Variants in KLHL17 observed in about 807,000 individuals in gnomAD.
KLHL17 encodes the protein kelch-like protein 17.
A neutral mutation model predicts 64.6 loss-of-function variants in KLHL17; 71 were observed. The ratio of observed to expected loss-of-function variants is 1.10; its 90% CI spans 0.91 to 1.34. The LOEUF is 1.34. Ranked by LOEUF, KLHL17 falls within the 40% of genes most tolerant of loss-of-function variation. The pLI is 0.00. For missense variants in KLHL17, 1,140 were observed against 935.0 expected (o/e 1.22, Z -2.86); for synonymous variants, 612 against 405.4 (o/e 1.51, Z -6.12).
chr1:964,075 A>G, intron 9 of KLHL17, 32 bp from the exon 10 acceptor site: 1 of 1,611,944 alleles, frequency 6.2e-7, no homozygotes, highest in Non-Finnish European at 8.5e-7. Context: ...CACTCCCAGC[A>G]GGAGTGCCAC....
Position 963,204 on chromosome 1 carries a change from G to A in KLHL17, c.1138G>A (p.Ala380Thr). ...GGTGGCCTCCATGTCCACGCGCCGG[G>A]CCCGGGTGGGAGTGGCTGCGGTGGG... ...HVVASMSTRR[A>T]RVGVAAVGNR... Residue 380 changes from alanine (A) to threonine (T), a missense_variant, in exon 7 of 12, where the codon GCC (alanine) becomes ACC (threonine). Physicochemically the swap from Ala to Thr is moderately conservative, Grantham distance 58. Transcript: ENST00000338591. The A allele has an allele frequency of 6.2e-7, 1 of 1,608,076 alleles. No homozygotes were observed. Among genetic ancestry groups the A allele is most frequent in the Non-Finnish European group, 8.5e-7 (1 of 1,176,604 alleles).
chr1:965,370 G>A lies in KLHL17; in HGVS notation c.*179G>A. The A allele has an allele frequency of 1.6e-6, 1 of 624,904 alleles. No homozygotes were observed. The highest frequency in any genetic ancestry group is 2.8e-6 in the Non-Finnish European group (1 of 362,960). The allele number at this position is 624,904 out of a possible 1,614,324, so 38.7% of individuals were successfully genotyped here. A position where few individuals can be genotyped will look rare whatever the true frequency, so the allele number is the denominator to read the frequency against. On this transcript the variant is annotated 3_prime_UTR_variant, in exon 12 of 12. Coordinates refer to ENST00000338591, the MANE Select transcript of KLHL17 (RefSeq NM_198317.3). The stretch of plus-strand genomic sequence containing the variant: ...TTGAGGGGTGAGGAGTGCCACGGCT[G>A]CCCGTTTACACCTTTAGCGTCTGGT...
rs2100412717 is a variant in KLHL17, at chr1:961,405, C to T, written c.220C>T (p.His74Tyr). 1.2e-6 allele frequency: 2 copies of T among 1,610,812 alleles called. No homozygotes were observed. Among genetic ancestry groups the T allele is most frequent in the South Asian group, 1.1e-5 (1 of 90,840 alleles). ...GHSVAHNSKR[H>Y]YHDAFVAMSR... ...CAGCGTGGCCCACAACTCCAAGCGG[C>T]ACTACCACGATGCCTTCGTGGCCAT... Residue 74 changes from histidine (H) to tyrosine (Y), a missense_variant, in exon 2 of 12, where the codon CAC becomes TAC. Transcript: ENST00000338591.
At position 965,145 on chromosome 1, in the gene KLHL17, C is replaced by T. The variant is rs201438052; in HGVS notation, c.1883C>T (p.Pro628Leu). The T allele has an allele frequency of 4.5e-5, 72 of 1,612,578 alleles. No homozygotes were observed. In the East Asian group the frequency reaches 1.2e-3, roughly 27 times the overall value. Reference protein sequence around the residue: ...GVAVLELLNFPPPSSPTLSVS... With the variant: ...GVAVLELLNFLPPSSPTLSVS... ...GCGGTGCTGGAGCTGCTCAATTTCC[C>T]GCCGCCATCCTCCCCGACGCTGTCC... Residue 628 changes from proline to leucine, a missense_variant, in exon 12 of 12, where the codon CCG becomes CTG. Coordinates refer to ENST00000338591, the MANE Select transcript of KLHL17 (RefSeq NM_198317.3).
rs1160115544 is a variant in KLHL17 at position 963,460 on chromosome 1, C to T, written c.1311C>T (p.Leu437=). 1.9e-6 allele frequency: 3 copies of T among 1,612,072 alleles called. No homozygotes were observed. Among genetic ancestry groups the T allele is most frequent in the East Asian group, 2.2e-5 (1 of 44,858 alleles). Residue 437 remains leucine (L), a synonymous_variant, in exon 8 of 12, where the codon CTC becomes CTT. Coordinates refer to ENST00000338591, the MANE Select transcript of KLHL17 (RefSeq NM_198317.3). ...SCLGVAALHG[L]LYSAGGYDGA... is the part of the protein sequence containing the mutation. ...TGGGTGTGGCCGCCTTGCATGGACT[C>T]CTGTACTCGGCCGGCGGCTATGACG...
In KLHL17 at chr1:963,501, A is replaced by C. The variant is rs1304596305; in HGVS notation, c.1352A>C (p.Asn451Thr). Residue 451 changes from asparagine (N) to threonine (T), a missense_variant, in exon 8 of 12, where the codon AAC becomes ACC. Physicochemically the swap from Asn to Thr is moderately conservative, Grantham distance 65 (BLOSUM62 0). Transcript: ENST00000338591. ...AGGYDGASCL[N>T]SAERYDPLTG... is the part of the protein sequence containing the mutation. ...GGCTATGACGGGGCCTCCTGCCTGA[A>C]CAGGTAGTTGGGGTTGGGGCCCCAG... 2 of 1,606,146 alleles carry C rather than the reference A, an allele frequency of 1.2e-6. No individual in the cohort carries two copies. Among genetic ancestry groups the C allele is most frequent in the Non-Finnish European group, 1.7e-6 (2 of 1,175,822 alleles).
At position 964,509 on chromosome 1, in the gene KLHL17, T is replaced by C; in HGVS notation, c.1679T>C (p.Val560Ala). The change falls in exon 11 of 12, where the codon GTG becomes GCG. Residue 560 changes from valine (V) to alanine (A), a missense_variant. By Grantham distance (64) the Val-to-Ala change is moderately conservative. Transcript: ENST00000338591. ...CCAAAGGCTGGAGCCTGGGAAAGCG[T>C]GGCGCCCATGAATATCCGCAGGTCC... Reference protein sequence around the residue: ...YSPKAGAWESVAPMNIRRSTH... With the variant: ...YSPKAGAWESAAPMNIRRSTH... The C allele has an allele frequency of 6.6e-7, 1 of 1,513,184 alleles. No individual in the cohort carries two copies. Among genetic ancestry groups the C allele is most frequent in the African/African-American group, 1.5e-5 (1 of 65,408 alleles). 93.7% of individuals were successfully genotyped at this position (1,513,184 alleles called of 1,614,324 possible). A position where few individuals can be genotyped will look rare whatever the true frequency, so the allele number is the denominator to read the frequency against.
At chr1:963,822 G>A in intron 8 of KLHL17, 98 bp from the exon 9 acceptor site, 1 of 1,339,414 alleles carries the variant, frequency 7.5e-7, no homozygotes, top group Non-Finnish European at 1.1e-6. Context: ...TTGACTCCTA[G>A]GGTAAGATTT....
chr1:963,100 C>T lies in KLHL17; in HGVS notation c.1043-9C>T, dbSNP rs994826428. 10 of 1,610,770 alleles carry T rather than the reference C, an allele frequency of 6.2e-6. No homozygotes were observed. The highest frequency in any genetic ancestry group is 3.3e-5 in the Admixed American group (2 of 59,878). On this transcript the variant is annotated splice_polypyrimidine_tract_variant and intron_variant, in intron 6 of 11. Transcript: ENST00000338591. ...ACTCACGAGTCCCGTCTCCACCTGC[C>T]CTCCCCAGGCGGCGGGAGCCTGTTT...
chr1:964,047 C>G, intron 9 of KLHL17, 39 bp downstream of exon 9: 1 of 1,612,254 alleles, frequency 6.2e-7, no homozygotes, highest in Non-Finnish European at 8.5e-7. Context: ...TCCCCACCTT[C>G]CCCCACCGTG....
rs1022702867 is a variant in KLHL17, at chr1:965,397, C to T, written c.*206C>T. 21 of 591,362 alleles carry T rather than the reference C, an allele frequency of 3.6e-5. No homozygotes were observed. Among genetic ancestry groups the T allele is most frequent in the Middle Eastern group, 4.5e-4 (1 of 2,230 alleles). 36.6% of individuals were successfully genotyped at this position (591,362 alleles called of 1,614,324 possible). The stretch of plus-strand genomic sequence containing the variant: ...CCGTTTACACCTTTAGCGTCTGGTC[C>T]TCCTGCGTGTCCTCCCCTCCACTGC... On this transcript the variant is annotated 3_prime_UTR_variant, in exon 12 of 12. Coordinates refer to ENST00000338591, the MANE Select transcript of KLHL17 (RefSeq NM_198317.3).
rs767324258 is a variant in KLHL17 at position 964,132 on chromosome 1, C to T, written c.1470C>T (p.Gly490=). The change falls in exon 10 of 12, where the codon GGC becomes GGT. Residue 490 remains glycine, a synonymous_variant. Transcript: ENST00000338591. ...ATGGGAACCTGTATGCTGTGGGCGG[C>T]TACGACAGCTCCTCACACCTGGCCA... ...TLDGNLYAVG[G]YDSSSHLATV... 3.1e-5 allele frequency: 50 copies of T among 1,612,590 alleles called. No individual in the cohort carries two copies. Among genetic ancestry groups the T allele is most frequent in the African/African-American group, 4.0e-5 (3 of 74,910 alleles).
Position 964,104 on chromosome 1 carries a change from C to T in KLHL17, c.1445-3C>T. 1.2e-6 allele frequency: 2 copies of T among 1,612,696 alleles called. No individual in the cohort carries two copies. The highest frequency in any genetic ancestry group is 1.7e-6 in the Non-Finnish European group (2 of 1,179,914). On this transcript the variant is annotated splice_region_variant and splice_polypyrimidine_tract_variant and intron_variant, in intron 9 of 11. Coordinates refer to ENST00000338591, the MANE Select transcript of KLHL17 (RefSeq NM_198317.3). ...GTGCCACGGGTGTGTTGACTTCCGG[C>T]AGATGGGAACCTGTATGCTGTGGGC...
At position 964,482 on chromosome 1, in the gene KLHL17, G is replaced by A; in HGVS notation, c.1652G>A (p.Ser551Asn). 1 of 1,537,500 alleles carries A rather than the reference G, an allele frequency of 6.5e-7. No individual in the cohort carries two copies. The highest frequency in any genetic ancestry group is 8.8e-7 in the Non-Finnish European group (1 of 1,139,590). Residue 551 changes from serine to asparagine, a missense_variant, in exon 11 of 12, where the codon AGT (serine) becomes AAT (asparagine). Coordinates refer to ENST00000338591, the MANE Select transcript of KLHL17 (RefSeq NM_198317.3). The stretch of plus-strand genomic sequence containing the variant: ...TGCCTCAACTCGGTAGAGAGATACA[G>A]TCCAAAGGCTGGAGCCTGGGAAAGC... ...TSCLNSVERY[S>N]PKAGAWESVA...
At position 962,603 on chromosome 1, in the gene KLHL17, A is replaced by G. The variant is rs1642709144; in HGVS notation, c.829-101A>G. 5 of 1,520,744 alleles carry G rather than the reference A, an allele frequency of 3.3e-6. No homozygotes were observed. In the South Asian group the frequency reaches 5.1e-5, roughly 15 times the overall value. The allele number at this position is 1,520,744 out of a possible 1,614,324, so 94.2% of individuals were successfully genotyped here. On this transcript the variant is annotated intron_variant, in intron 5 of 11. Coordinates refer to ENST00000338591, the MANE Select transcript of KLHL17 (RefSeq NM_198317.3). ...GGTGCCCCCACCTGTCTGAAGAAGA[A>G]TCCATCACACAGGTGGTACGGGCAT... is the stretch of plus-strand genomic sequence containing the variant.
chr1:965,370 G>T lies in KLHL17; in HGVS notation c.*179G>T. ...TTGAGGGGTGAGGAGTGCCACGGCTGCCCGTTTACACCTTTAGCGTCTGGT... is the reference window on the plus strand; with the variant it reads ...TTGAGGGGTGAGGAGTGCCACGGCTTCCCGTTTACACCTTTAGCGTCTGGT... On this transcript the variant is annotated 3_prime_UTR_variant, in exon 12 of 12. Coordinates refer to ENST00000338591, the MANE Select transcript of KLHL17 (RefSeq NM_198317.3). 1 of 624,904 alleles carries T rather than the reference G, an allele frequency of 1.6e-6. No individual in the cohort carries two copies. The highest frequency in any genetic ancestry group is 3.0e-5 in the Admixed American group (1 of 33,402). 38.7% of individuals were successfully genotyped at this position (624,904 alleles called of 1,614,324 possible).
Position 961,809 on chromosome 1 carries a change from C to G in KLHL17, c.490-17C>G, listed in dbSNP as rs763985708. The G allele has an allele frequency of 6.2e-7, 1 of 1,610,508 alleles. No homozygotes were observed. The highest frequency in any genetic ancestry group is 1.1e-5 in the South Asian group (1 of 91,054). ...CCGACCCTGTGCCTCCCTCACCTGC[C>G]TCTCGGTGCCCCGTAGACTCTGCTC... On this transcript the variant is annotated splice_polypyrimidine_tract_variant and intron_variant, in intron 3 of 11. Transcript: ENST00000338591.
In KLHL17 at chr1:962,418, G is replaced by A. The variant is rs1047992084; in HGVS notation, c.775G>A (p.Val259Ile). ...VPSEEEVYRAVLSWVKHDVDA... is the reference protein window; with the variant it reads ...VPSEEEVYRAILSWVKHDVDA... ...TTCAGAGGAGGAGGTCTACCGAGCC[G>A]TCCTGAGCTGGGTGAAACACGACGT... The change falls in exon 5 of 12, where the codon GTC becomes ATC. Residue 259 changes from valine (V) to isoleucine (I), a missense_variant. Physicochemically the swap from Val to Ile is conservative, Grantham distance 29 (BLOSUM62 3). Coordinates refer to ENST00000338591, the MANE Select transcript of KLHL17 (RefSeq NM_198317.3). The A allele has an allele frequency of 1.1e-5, 17 of 1,612,648 alleles. No homozygotes were observed. Among genetic ancestry groups the A allele is most frequent in the Admixed American group, 3.3e-5 (2 of 59,998 alleles).
Position 965,689 on chromosome 1 carries a change from A to G in KLHL17, c.*498A>G, listed in dbSNP as rs1642926222. Reference sequence around the variant, plus strand: ...GGACCCCACACAGCAATACGAGTCCAACTTAATAAACACATTTCTGGGGTT... The same window carrying G: ...GGACCCCACACAGCAATACGAGTCCGACTTAATAAACACATTTCTGGGGTT... On this transcript the variant is annotated 3_prime_UTR_variant, in exon 12 of 12. Transcript: ENST00000338591. 1 of 160,056 alleles carries G rather than the reference A, an allele frequency of 6.2e-6. No individual in the cohort carries two copies. The highest frequency in any genetic ancestry group is 1.4e-5 in the Non-Finnish European group (1 of 73,574). 9.9% of individuals were successfully genotyped at this position (160,056 alleles called of 1,614,324 possible). A position where few individuals can be genotyped will look rare whatever the true frequency, so the allele number is the denominator to read the frequency against.
Sources: allele counts gnomAD v4.1 joint callset, GRCh38; gene constraint gnomAD v4.1.1; transcripts MANE v1.5; gene names NCBI Gene and HGNC (gene_info 2026-07-23, HGNC 2026-07-21).